KCNT1: variants seen among roughly 807,000 people sequenced by gnomAD.
KCNT1 encodes the protein potassium channel subfamily T member 1.
In KCNT1, 78 loss-of-function variants were observed where a neutral mutation model predicts 147.8. The ratio of observed to expected loss-of-function variants is 0.53; its 90% confidence interval spans 0.44 to 0.64. The LOEUF (loss-of-function observed/expected upper bound fraction) is 0.64. Among genes scored for constraint, KCNT1 ranks in the 30% least tolerant of loss-of-function variants. The probability of loss-of-function intolerance (pLI) is 0.00; values close to 1 mark genes in which losing one functional copy is unlikely to be tolerated. For missense variants in KCNT1, 1,419 were observed against 1,750.3 expected (o/e 0.81, Z 3.38); for synonymous variants, 867 against 748.8 (o/e 1.16, Z -2.58).
At position 135,759,873 on chromosome 9, in the gene KCNT1, G is replaced by A. The variant is rs1588331124; in HGVS notation, c.1035+14G>A. 3 of 1,589,206 alleles carry A rather than the reference G, an allele frequency of 1.9e-6. No homozygotes were observed. Among genetic ancestry groups the A allele is most frequent in the South Asian group, 1.1e-5 (1 of 87,298 alleles). ...CTCCCACTGCAGGTGGGTCCTCTGG[G>A]CACCAGCCCTGGGTGGCACCAGCAA... is the stretch of plus-strand genomic sequence containing the variant. On this transcript the variant is annotated intron_variant, in intron 11 of 30. Transcript: ENST00000371757.
chr9:135,715,378 AACAC>A (rs1419710281), intron 2 of KCNT1, among the ~76,000 whole-genome samples: 1 of 152,200 alleles, frequency 6.6e-6, no homozygotes, highest in Non-Finnish European at 1.5e-5. Context: ...GTCTTGGGTA[AACAC>A]CCAGCACTTT....
intron 18 of KCNT1, 23 bp downstream of exon 18, chr9:135,771,118 G>A (rs1370011428): frequency 1.3e-6 from 2 of 1,589,564 alleles, no homozygotes; most frequent in African/African-American, 1.3e-5. Context: ...AGGCGCGCGG[G>A]ACTCCCTGGG....
At position 135,776,698 on chromosome 9, in the gene KCNT1, A is replaced by G. The variant is rs151004587; in HGVS notation, c.2350-640A>G. Among the ~76,000 whole-genome samples the G allele has an allele frequency of 5.5e-3, 845 of 152,328 alleles. 9 individuals carry two copies. Among genetic ancestry groups the G allele is most frequent in the African/African-American group, 0.02 (820 of 41,566 alleles). On this transcript the variant is annotated intron_variant, in intron 20 of 30. Transcript: ENST00000371757. ...AGGCTCCCAGCATATTCTGTGGGTTATAATCTGTGGCCGGTCATTGCAGTA... is the reference window on the plus strand; with the variant it reads ...AGGCTCCCAGCATATTCTGTGGGTTGTAATCTGTGGCCGGTCATTGCAGTA...
At chr9:135,785,998 A>G (rs1402766875) in intron 28 of KCNT1, 199 bp from the exon 29 acceptor site, 7 of 595,164 alleles carry the variant, frequency 1.2e-5, no homozygotes, top group Non-Finnish European at 2.1e-5. Flanking sequence ...TCAGGAGGAA[A>G]CCAGGCACAT....
chr9:135,751,743 C>T (rs1005222826), intron 4 of KCNT1, among the ~76,000 whole-genome samples: 6 of 152,194 alleles, frequency 3.9e-5, no homozygotes, highest in African/African-American at 9.7e-5. Flanking sequence ...CAGGGCCCTG[C>T]GGCCCTCGGT....
intron 15 of KCNT1, 146 bp downstream of exon 15, chr9:135,769,083 G>C (rs1832540233): frequency 3.1e-6 from 2 of 650,108 alleles, no homozygotes; most frequent in African/African-American, 3.8e-5. Context: ...GTGGGTGACG[G>C]TGCGTCTGGG....
chr9:135,791,302 G>A (rs1030696516), intron 29 of KCNT1: 2 of 177,092 alleles, frequency 1.1e-5, no homozygotes, highest in South Asian at 1.4e-4. Context: ...AGTGTGCAGG[G>A]GTCTGTGGAT....
rs1831257962 is a variant in KCNT1, at chr9:135,752,777, G to A, written c.435-1160G>A. ...TGGATGGAGGGATGAGTGGATGGGTGGATGATGGATGGATGGATGGATGGA... is the reference window on the plus strand; with the variant it reads ...TGGATGGAGGGATGAGTGGATGGGTAGATGATGGATGGATGGATGGATGGA... On this transcript the variant is annotated intron_variant, in intron 4 of 30. Transcript: ENST00000371757. This position sits in a 1 kb window ranked among gnomAD's most constrained non-coding sequence, Gnocchi z 5.1. 6.6e-6 allele frequency among the ~76,000 whole-genome samples: 1 copy of A among 151,276 alleles called. No homozygotes were observed. The highest frequency in any genetic ancestry group is 1.5e-5 in the Non-Finnish European group (1 of 67,792).
chr9:135,786,918 A>G (rs934209630), intron 29 of KCNT1, among the ~76,000 whole-genome samples: 5 of 152,136 alleles, frequency 3.3e-5, no homozygotes, highest in African/African-American at 1.2e-4. Flanking sequence ...TGGGGTGGAG[A>G]GGGCCAGGCT....
chr9:135,750,811 G>T (rs1841004696), intron 3 of KCNT1, 131 bp from the exon 4 acceptor site: 1 of 769,726 alleles, frequency 1.3e-6, no homozygotes. Context: ...ACAGAGCTCT[G>T]CGTGCAGCCC....
At chr9:135,756,445 C>CT (rs1403349369) in intron 6 of KCNT1, among the ~76,000 whole-genome samples, 1 of 152,172 alleles carries the variant, frequency 6.6e-6, no homozygotes, top group Non-Finnish European at 1.5e-5. Flanking sequence ...CAGAGAGGGT[C>CT]TTTCACACCC....
Position 135,772,969 on chromosome 9 carries a change from C to T in KCNT1, c.2243+20C>T, listed in dbSNP as rs989956820. 9.1e-6 allele frequency: 13 copies of T among 1,426,922 alleles called. No homozygotes were observed. The highest frequency in any genetic ancestry group is 5.6e-5 in the Admixed American group (2 of 35,486). 88.4% of individuals were successfully genotyped at this position (1,426,922 alleles called of 1,614,324 possible). A position where few individuals can be genotyped will look rare whatever the true frequency, so the allele number is the denominator to read the frequency against. ...GGTAGAGTGAGTGCTGCCTTGGAGACGGCTCCCAGTGGGGGGAGGAGCCGC... is the reference window on the plus strand; with the variant it reads ...GGTAGAGTGAGTGCTGCCTTGGAGATGGCTCCCAGTGGGGGGAGGAGCCGC... On this transcript the variant is annotated intron_variant, in intron 19 of 30. Coordinates refer to ENST00000371757, the MANE Select transcript of KCNT1 (RefSeq NM_020822.3).
At chr9:135,764,949 G>A (rs1223491322) in intron 11 of KCNT1, 82 bp from the exon 12 acceptor site, 114 of 1,471,378 alleles carry the variant, frequency 7.7e-5, no homozygotes, top group Non-Finnish European at 9.8e-5. Flanking sequence ...ACAGACAGTC[G>A]TGTGTCAGGG....
intron 10 of KCNT1, 54 bp downstream of exon 10, chr9:135,758,562 G>A (rs1831676946): frequency 4.9e-6 from 7 of 1,427,052 alleles, no homozygotes; most frequent in East Asian, 4.5e-5. Context: ...GGCCCGAGAG[G>A]CAAGCAGGGC....
At chr9:135,777,317 G>C (rs1032618062) in intron 20 of KCNT1, 21 bp from the exon 21 acceptor site, 1 of 1,606,644 alleles carries the variant, frequency 6.2e-7, no homozygotes, top group African/African-American at 1.3e-5. Flanking sequence ...CTCCAGCCCT[G>C]ACTCCAGCAT....
At chr9:135,765,512 CAG>C (rs1247564466) in intron 12 of KCNT1, 110 bp from the exon 13 acceptor site, 3 of 1,219,962 alleles carry the variant, frequency 2.5e-6, no homozygotes, top group Non-Finnish European at 3.4e-6. Context: ...TGCAAGATCA[CAG>C]TGAGCTCTAG....
At chr9:135,782,593 C>G (rs893881902) in intron 24 of KCNT1, among the ~76,000 whole-genome samples, 2 of 152,224 alleles carry the variant, frequency 1.3e-5, no homozygotes, top group Admixed American at 6.5e-5. Flanking sequence ...CGCTCAGCCC[C>G]TGCTGAAGCC....
Position 135,714,110 on chromosome 9 carries a change from G to A in KCNT1, c.111-467G>A, listed in dbSNP as rs1835617998. 6.6e-6 allele frequency among the ~76,000 whole-genome samples: 1 copy of A among 151,990 alleles called. No homozygotes were observed. The highest frequency in any genetic ancestry group is 1.5e-5 in the Non-Finnish European group (1 of 67,960). On this transcript the variant is annotated intron_variant, in intron 1 of 30. Coordinates refer to ENST00000371757, the MANE Select transcript of KCNT1 (RefSeq NM_020822.3). This position sits in a 1 kb window ranked among gnomAD's most constrained non-coding sequence, Gnocchi z 6.2. ...TCTGAGACGGGGGTCTCTGGGGCTGGACCCTGAAGGAAGATTGAGCAGCCG... is the reference window on the plus strand; with the variant it reads ...TCTGAGACGGGGGTCTCTGGGGCTGAACCCTGAAGGAAGATTGAGCAGCCG...
chr9:135,778,457 C>T lies in KCNT1; in HGVS notation c.2556C>T (p.Cys852=), dbSNP rs1833338480. 1 of 1,554,114 alleles carries T rather than the reference C, an allele frequency of 6.4e-7. No homozygotes were observed. Among genetic ancestry groups the T allele is most frequent in the African/African-American group, 1.4e-5 (1 of 73,202 alleles). Residue 852 remains cysteine, a synonymous_variant, in exon 22 of 31, where the codon TGC becomes TGT. Transcript: ENST00000371757. The part of the protein sequence containing the change: ...PDHHFLEAIC[C]FPMVYYMEGS... ...ACCACTTCCTGGAAGCCATCTGCTGCTTCCCCATGGTCTACTACATGGAGG... is the reference window on the plus strand; with the variant it reads ...ACCACTTCCTGGAAGCCATCTGCTGTTTCCCCATGGTCTACTACATGGAGG...
Sources: gnomAD v4.1 joint callset for allele counts (sites outside exome capture counted in the v4.1 genomes callset) on GRCh38, gnomAD v4.1.1 for gene constraint, Gnocchi (gnomAD v3.1) non-coding constraint, MANE v1.5 for transcripts, NCBI Gene and HGNC (gene_info 2026-07-23, HGNC 2026-07-21) for gene names.